The following PKP4 variants were observed in gnomAD, a reference collection of about 807,000 sequenced individuals.
PKP4 encodes the protein plakophilin-4.
In PKP4, 90 loss-of-function variants were observed where a neutral mutation model predicts 145.1. The ratio of observed to expected loss-of-function variants is 0.62; its 90% CI spans 0.52 to 0.74. The LOEUF (loss-of-function observed/expected upper bound fraction) is 0.74, where lower values mean the gene tolerates loss of function less well. Ranked by LOEUF, PKP4 falls within the 30% of genes least tolerant of loss-of-function variation. The pLI, the probability that PKP4 is intolerant of heterozygous loss-of-function variation, is 0.00. For synonymous variants in PKP4, 563 were observed against 577.2 expected (o/e 0.98, Z 0.35); for missense variants, 1,340 against 1,482.7 (o/e 0.90, Z 1.58).
chr2:158,530,957 C>T (rs900763933), intron 1 of PKP4, among the ~76,000 whole-genome samples: 3 of 152,102 alleles, frequency 2.0e-5, no homozygotes, highest in African/African-American at 4.8e-5. Context: ...TTTAGCATTA[C>T]TCCTTTGCAT....
intron 1 of PKP4, among the ~76,000 whole-genome samples, chr2:158,503,307 G>T (rs189020296): frequency 6.6e-6 from 1 of 152,140 alleles, no homozygotes; most frequent in African/African-American, 2.4e-5. Context: ...TGGCTCTAAC[G>T]CTTCAGTGCA....
intron 2 of PKP4, among the ~76,000 whole-genome samples, chr2:158,540,568 T>C (rs1237312487): frequency 6.6e-6 from 1 of 152,160 alleles, no homozygotes. Flanking sequence ...GCACAAACCG[T>C]ATTTATACTT....
chr2:158,489,408 T>C (rs187937181), intron 1 of PKP4, among the ~76,000 whole-genome samples: 63 of 152,332 alleles, frequency 4.1e-4, no homozygotes, highest in Non-Finnish European at 5.7e-4. Flanking sequence ...CAATAACCCT[T>C]CTCAGAATTC....
intron 3 of PKP4, among the ~76,000 whole-genome samples, chr2:158,599,842 A>G (rs765033528): frequency 4.2e-4 from 64 of 152,166 alleles, no homozygotes; most frequent in Admixed American, 1.4e-3. Flanking sequence ...GCTTCTTGTG[A>G]ACTTCACTCA....
At chr2:158,486,872 C>T (rs1032198327) in intron 1 of PKP4, among the ~76,000 whole-genome samples, 2 of 152,216 alleles carry the variant, frequency 1.3e-5, no homozygotes, top group African/African-American at 4.8e-5. Context: ...AGTCCAATGA[C>T]AGTCTTTGTA....
chr2:158,471,861 A>G (rs1691623391), intron 1 of PKP4, among the ~76,000 whole-genome samples: 1 of 152,232 alleles, frequency 6.6e-6, no homozygotes, highest in Non-Finnish European at 1.5e-5. Context: ...GAAAAATTAA[A>G]CATGCCTAAA....
At chr2:158,485,762 T>A (rs1377673943) in intron 1 of PKP4, among the ~76,000 whole-genome samples, 1 of 152,224 alleles carries the variant, frequency 6.6e-6, no homozygotes, top group Non-Finnish European at 1.5e-5. Flanking sequence ...AAAAAAAGTG[T>A]AACTTCATAA....
At chr2:158,609,273 T>C (rs886820014) in intron 4 of PKP4, among the ~76,000 whole-genome samples, 1 of 152,212 alleles carries the variant, frequency 6.6e-6, no homozygotes, top group African/African-American at 2.4e-5. Context: ...GAAGATAATA[T>C]GAAAATCATC....
At chr2:158,516,090 T>C (rs1202527066) in intron 1 of PKP4, among the ~76,000 whole-genome samples, 1 of 151,472 alleles carries the variant, frequency 6.6e-6, no homozygotes, top group Non-Finnish European at 1.5e-5. Context: ...TTAATAAATG[T>C]TGAGATGTAG....
chr2:158,464,518 TTAAAAA>T (rs1178422810), intron 1 of PKP4, among the ~76,000 whole-genome samples: 2 of 152,224 alleles, frequency 1.3e-5, no homozygotes, highest in Non-Finnish European at 2.9e-5. Flanking sequence ...AAACAATTGT[TTAAAAA>T]TATTGAGGTT....
At chr2:158,507,385 A>G (rs540285753) in intron 1 of PKP4, among the ~76,000 whole-genome samples, 2 of 152,334 alleles carry the variant, frequency 1.3e-5, no homozygotes, top group African/African-American at 2.4e-5. Context: ...GTCGAAGGTA[A>G]ATTCAAAGCC....
intron 2 of PKP4, among the ~76,000 whole-genome samples, chr2:158,550,882 TC>T (rs1392842532): frequency 6.6e-6 from 1 of 152,218 alleles, no homozygotes; most frequent in Non-Finnish European, 1.5e-5. Context: ...GTGGTGCCCT[TC>T]CGGGAATTTA....
intron 4 of PKP4, among the ~76,000 whole-genome samples, chr2:158,613,046 C>G (rs563677861): frequency 1.2e-3 from 176 of 152,216 alleles, no homozygotes; most frequent in African/African-American, 4.1e-3. Context: ...ATTGTGGGTG[C>G]CAACATCTCA....
intron 2 of PKP4, among the ~76,000 whole-genome samples, chr2:158,547,356 A>C (rs1345358025): frequency 6.6e-6 from 1 of 152,228 alleles, no homozygotes; most frequent in Non-Finnish European, 1.5e-5. Flanking sequence ...TGATACATGC[A>C]CCATGGATGA....
intron 2 of PKP4, among the ~76,000 whole-genome samples, chr2:158,537,843 C>A (rs566472024): frequency 6.6e-6 from 1 of 152,004 alleles, no homozygotes; most frequent in African/African-American, 2.4e-5. Context: ...GCCTGGGCAA[C>A]ATGACAAAAA....
intron 19 of PKP4, among the ~76,000 whole-genome samples, chr2:158,676,134 A>G (rs1012770270): frequency 5.3e-5 from 8 of 152,190 alleles, no homozygotes; most frequent in African/African-American, 1.7e-4. Flanking sequence ...GCGCTTCCTA[A>G]TGAGCCAGGC....
At chr2:158,615,902 TGATAA>T (rs2051556208) in intron 4 of PKP4, among the ~76,000 whole-genome samples, 2 of 152,310 alleles carry the variant, frequency 1.3e-5, no homozygotes, top group South Asian at 2.1e-4. Flanking sequence ...TGATTAATAT[TGATAA>T]GATAATATAA....
intron 10 of PKP4, among the ~76,000 whole-genome samples, chr2:158,641,109 G>A (rs940038939): frequency 3.3e-5 from 5 of 152,146 alleles, no homozygotes; most frequent in African/African-American, 9.7e-5. Flanking sequence ...GACAGAGGCT[G>A]GCAGATCACC....
chr2:158,667,288 G>C (rs2057184910), intron 16 of PKP4, among the ~76,000 whole-genome samples: 1 of 152,296 alleles, frequency 6.6e-6, no homozygotes, highest in South Asian at 2.1e-4. Flanking sequence ...AGGATGTGCT[G>C]CTCACTGGCC....
Sources: allele counts gnomAD v4.1 joint callset (sites outside exome capture counted in the v4.1 genomes callset), GRCh38; gene constraint gnomAD v4.1.1; transcripts MANE v1.5; gene names NCBI Gene and HGNC (gene_info 2026-07-23, HGNC 2026-07-21).